Variants in DROSHA observed in about 807,000 individuals in gnomAD.
DROSHA encodes ribonuclease 3.
DROSHA carries 56 observed loss-of-function variants against 181.9 expected under a neutral mutation model. That is an observed-to-expected ratio of 0.31 (90% CI 0.25 to 0.38). The LOEUF (loss-of-function observed/expected upper bound fraction) is 0.38. DROSHA is among the 10% of genes least tolerant of loss of function. DROSHA has a pLI of 1.00. For missense variants in DROSHA, 1,218 were observed against 1,743.5 expected, an observed-to-expected ratio of 0.70 and a Z score of 5.37; for synonymous variants, 524 against 591.2, an observed-to-expected ratio of 0.89 and a Z score of 1.65.
At chr5:31,483,448 A>T in intron 16 of DROSHA, 106 bp downstream of exon 16, 1 of 1,025,256 alleles carries the variant, frequency 9.8e-7, no homozygotes, top group Non-Finnish European at 1.5e-6. Flanking sequence ...TAGATAATTA[A>T]CAGTATCGAA....
chr5:31,422,272 C>A (rs901844469), intron 29 of DROSHA, among the ~76,000 whole-genome samples: 1 of 151,880 alleles, frequency 6.6e-6, no homozygotes, highest in African/African-American at 2.4e-5. Context: ...CAAAAAACAA[C>A]CCCAAAGAAG....
intron 33 of DROSHA, chr5:31,408,824 T>C: frequency 2.5e-6 from 1 of 406,472 alleles, no homozygotes; most frequent in Non-Finnish European, 4.4e-6. Flanking sequence ...CAGAGATTTT[T>C]AGAAATGGGA....
intron 13 of DROSHA, among the ~76,000 whole-genome samples, chr5:31,490,225 C>A (rs1561243503): frequency 6.7e-6 from 1 of 149,242 alleles, no homozygotes; most frequent in Non-Finnish European, 1.5e-5. Flanking sequence ...GCTCTGTCAA[C>A]CAAGCTGGAG....
Position 31,511,154 on chromosome 5 carries a change from G to T in DROSHA, c.1313C>A (p.Thr438Lys). 1 of 1,613,684 alleles carries T rather than the reference G, an allele frequency of 6.2e-7. No homozygotes were observed. Among genetic ancestry groups the T allele is most frequent in the Non-Finnish European group, 8.5e-7 (1 of 1,179,790 alleles). The stretch of plus-strand genomic sequence containing the variant: ...GTCATATAAGTCACGAAGCCTACTC[G>T]TTCCAACCACTGTAGAATCTCCCTT... ...DQVGDSTVVGTSRLRDLYDKF... is the reference protein window; with the variant it reads ...DQVGDSTVVGKSRLRDLYDKF... The change falls in exon 9 of 36, where the codon ACG (threonine) becomes AAG (lysine). Residue 438 changes from threonine to lysine, a missense_variant. Physicochemically the swap from Thr to Lys is moderately conservative, Grantham distance 78 (BLOSUM62 -1). Transcript: ENST00000344624.
intron 13 of DROSHA, among the ~76,000 whole-genome samples, chr5:31,490,295 C>T (rs573366810): frequency 1.3e-5 from 2 of 151,900 alleles, no homozygotes; most frequent in Non-Finnish European, 2.9e-5. Flanking sequence ...GATCCTCCCG[C>T]ATTAGCTTCC....
intron 27 of DROSHA, among the ~76,000 whole-genome samples, chr5:31,428,514 A>G (rs1464736224): frequency 6.6e-6 from 1 of 152,244 alleles, no homozygotes; most frequent in Non-Finnish European, 1.5e-5. Flanking sequence ...GAGCATCTGT[A>G]GATAATCTTC....
rs530022353 is a variant in DROSHA, at chr5:31,438,352, G to C, written c.2883-1054C>G. Among the ~76,000 whole-genome samples the C allele has an allele frequency of 2.6e-5, 4 of 152,332 alleles. No individual in the cohort carries two copies. In the East Asian group the frequency reaches 7.8e-4, roughly 30 times the overall value. On this transcript the variant is annotated intron_variant, in intron 23 of 35. Coordinates refer to ENST00000344624, the MANE Select transcript of DROSHA (RefSeq NM_001382508.1). ...GCAGCAGATGCAAGGAGACTTTCCT[G>C]CATGGGAGGCTTAGGCTGGGGAGGT...
intron 9 of DROSHA, 26 bp downstream of exon 9, chr5:31,511,009 C>G: frequency 6.2e-7 from 1 of 1,613,126 alleles, no homozygotes; most frequent in Non-Finnish European, 8.5e-7. Flanking sequence ...GCAAGGGTCT[C>G]AGGCTAGTTA....
chr5:31,502,804 G>C (rs529046013), intron 11 of DROSHA, among the ~76,000 whole-genome samples: 1 of 152,202 alleles, frequency 6.6e-6, no homozygotes, highest in Non-Finnish European at 1.5e-5. Context: ...CCTCACTCTG[G>C]GATGGCTCTG....
At chr5:31,474,088 T>C (rs1048864986) in intron 16 of DROSHA, among the ~76,000 whole-genome samples, 3 of 152,212 alleles carry the variant, frequency 2.0e-5, no homozygotes, top group Non-Finnish European at 4.4e-5. Context: ...TGAATCTTTG[T>C]AGATAACACT....
At chr5:31,493,937 TTGTG>T (rs67311624) in intron 12 of DROSHA, among the ~76,000 whole-genome samples, 181 of 144,818 alleles carry the variant, frequency 1.2e-3, no homozygotes, top group African/African-American at 4.4e-3. Flanking sequence ...TAACCCACCA[TTGTG>T]TGTGTGTGTG....
At chr5:31,476,509 C>T (rs532390201) in intron 16 of DROSHA, among the ~76,000 whole-genome samples, 2 of 152,276 alleles carry the variant, frequency 1.3e-5, no homozygotes, top group South Asian at 2.1e-4. Flanking sequence ...TACATATACA[C>T]ACATCAGGTG....
chr5:31,528,948 T>C, intron 4 of DROSHA, 92 bp downstream of exon 4: 3 of 1,518,220 alleles, frequency 2.0e-6, no homozygotes, highest in Non-Finnish European at 2.7e-6. Flanking sequence ...TCCCCATGTA[T>C]CTAAATCCTT....
chr5:31,498,813 C>T (rs1025438981), intron 11 of DROSHA, among the ~76,000 whole-genome samples: 1 of 151,328 alleles, frequency 6.6e-6, no homozygotes, highest in African/African-American at 2.4e-5. Context: ...GCCGAAATCA[C>T]ACCATTTCAC....
At chr5:31,481,973 C>T (rs778412889) in intron 16 of DROSHA, among the ~76,000 whole-genome samples, 5 of 152,142 alleles carry the variant, frequency 3.3e-5, no homozygotes, top group Non-Finnish European at 5.9e-5. Context: ...CAAAACTTGG[C>T]TGTGAATGGA....
At chr5:31,433,591 C>T (rs751368570) in intron 25 of DROSHA, among the ~76,000 whole-genome samples, 4 of 152,124 alleles carry the variant, frequency 2.6e-5, no homozygotes, top group African/African-American at 4.8e-5. Context: ...GTTGCCCAGG[C>T]TGGAGTGCAG....
chr5:31,519,968 C>T (rs921170574), intron 6 of DROSHA, among the ~76,000 whole-genome samples: 2 of 152,104 alleles, frequency 1.3e-5, no homozygotes, highest in African/African-American at 2.4e-5. Context: ...ATTGCTGTGT[C>T]GTTTTTGTGT....
At chr5:31,404,770 A>G (rs1004658225) in intron 35 of DROSHA, among the ~76,000 whole-genome samples, 3 of 152,290 alleles carry the variant, frequency 2.0e-5, no homozygotes, top group East Asian at 3.9e-4. Flanking sequence ...ACAGAACTAA[A>G]AAGCACCAAT....
chr5:31,464,437 A>C (rs1748778699), intron 19 of DROSHA, 94 bp from the exon 20 acceptor site: 1 of 1,072,072 alleles, frequency 9.3e-7, no homozygotes, highest in South Asian at 1.4e-5. Flanking sequence ...GATTCATTTA[A>C]TATTACCCCT....
Sources: gnomAD v4.1 joint callset for allele counts (sites outside exome capture counted in the v4.1 genomes callset) on GRCh38, gnomAD v4.1.1 for gene constraint, MANE v1.5 for transcripts, NCBI Gene and HGNC (gene_info 2026-07-23, HGNC 2026-07-21) for gene names.